The following ANKMY2 variants were observed in gnomAD, a reference collection of about 807,000 sequenced individuals.
ANKMY2 encodes ankyrin repeat and MYND domain-containing protein 2.
In ANKMY2, 36 loss-of-function variants were observed where a neutral mutation model predicts 50.4. The ratio of observed to expected loss-of-function variants is 0.71; its 90% CI spans 0.55 to 0.94. The LOEUF is 0.94. Ranked by LOEUF, ANKMY2 falls within the 40% of genes least tolerant of loss-of-function variation. The pLI is 0.00. For synonymous variants in ANKMY2, 187 were observed against 178.8 expected, an observed-to-expected ratio of 1.05 and a Z score of -0.36; for missense variants, 565 against 524.0, an observed-to-expected ratio of 1.08 and a Z score of -0.76.
At chr7:16,623,104 T>C (rs1378827100) in intron 4 of ANKMY2, among the ~76,000 whole-genome samples, 3 of 152,136 alleles carry the variant, frequency 2.0e-5, no homozygotes, top group Admixed American at 6.5e-5. Context: ...ACAAGGAATA[T>C]CTGCTGTGTG....
intron 1 of ANKMY2, among the ~76,000 whole-genome samples, chr7:16,644,022 CAGCGAG>C (rs1781780587): frequency 6.6e-6 from 1 of 152,068 alleles, no homozygotes; most frequent in African/African-American, 2.4e-5. Flanking sequence ...GAGAAAGAGA[CAGCGAG>C]AGCGAGAGAG....
intron 1 of ANKMY2, chr7:16,644,843 A>G (rs1410085302): frequency 2.5e-6 from 1 of 398,848 alleles, no homozygotes; most frequent in South Asian, 1.8e-5. Flanking sequence ...AGCGCGAAGG[A>G]GCGCGATTAG....
intron 1 of ANKMY2, among the ~76,000 whole-genome samples, chr7:16,641,137 G>A (rs1445881439): frequency 6.6e-6 from 1 of 152,162 alleles, no homozygotes; most frequent in Non-Finnish European, 1.5e-5. Flanking sequence ...AGTAGGCTGA[G>A]GCAGGAGAAT....
intron 3 of ANKMY2, 75 bp from the exon 4 acceptor site, chr7:16,625,156 T>C: frequency 3.6e-6 from 4 of 1,105,920 alleles, no homozygotes; most frequent in Non-Finnish European, 5.4e-6. Flanking sequence ...AAACTCTCTA[T>C]ACCCTTTATT....
chr7:16,639,278 T>C (rs1781714398), intron 1 of ANKMY2, among the ~76,000 whole-genome samples: 1 of 152,230 alleles, frequency 6.6e-6, no homozygotes, highest in South Asian at 2.1e-4. Flanking sequence ...AAAGATTAAT[T>C]GCTTTATTCT....
At chr7:16,626,185 T>C (rs1280262246) in intron 3 of ANKMY2, among the ~76,000 whole-genome samples, 3 of 152,060 alleles carry the variant, frequency 2.0e-5, no homozygotes, top group Non-Finnish European at 2.9e-5. Context: ...CTCATGGTGT[T>C]GCCTAGGATG....
chr7:16,626,129 C>T (rs932285790), intron 3 of ANKMY2, among the ~76,000 whole-genome samples: 2 of 151,782 alleles, frequency 1.3e-5, no homozygotes, highest in Non-Finnish European at 2.9e-5. Context: ...CACAGACGTG[C>T]GCCACTGTCC....
At chr7:16,627,273 G>T (rs1781519902) in intron 2 of ANKMY2, 95 bp from the exon 3 acceptor site, 1 of 720,294 alleles carries the variant, frequency 1.4e-6, no homozygotes, top group South Asian at 2.7e-5. Flanking sequence ...AAACGAATAT[G>T]AACTAATTAA....
Position 16,600,800 on chromosome 7 carries a change from T to C in ANKMY2, c.1287A>G (p.Leu429=), listed in dbSNP as rs370176719. 43 of 1,613,666 alleles carry C rather than the reference T, an allele frequency of 2.7e-5. No individual in the cohort carries two copies. The highest frequency in any genetic ancestry group is 3.4e-5 in the Non-Finnish European group (40 of 1,179,858). Residue 429 remains leucine (L), a synonymous_variant, in exon 10 of 10, where the codon TTA becomes TTG. Coordinates refer to ENST00000306999, the MANE Select transcript of ANKMY2 (RefSeq NM_020319.3). ...SLESEAELEG[L]QDAPAGPQVS... ...CCTGTGGCCCTGCAGGAGCATCCTG[T>C]AAGCCTTCCAACTCAGCTTCGCTTT...
Position 16,600,145 on chromosome 7 carries a change from T to A in ANKMY2, c.*616A>T, listed in dbSNP as rs1781017135. 1.3e-5 allele frequency: 2 copies of A among 152,156 alleles called. No individual in the cohort carries two copies. The highest frequency in any genetic ancestry group is 2.9e-5 in the Non-Finnish European group (2 of 68,036). The allele number at this position is 152,156 out of a possible 1,614,324, so 9.4% of individuals were successfully genotyped here. A position where few individuals can be genotyped will look rare whatever the true frequency, so the allele number is the denominator to read the frequency against. On this transcript the variant is annotated 3_prime_UTR_variant, in exon 10 of 10. Coordinates refer to ENST00000306999, the MANE Select transcript of ANKMY2 (RefSeq NM_020319.3). ...GCTGAGGGATCTGCCATTCTGGAGG[T>A]ACAAATACTGCAGATAGAATATCAC...
At chr7:16,608,207 A>G (rs13244745) in intron 7 of ANKMY2, among the ~76,000 whole-genome samples, 25,092 of 152,190 alleles carry the variant, frequency 0.16, 2,143 homozygotes, top group East Asian at 0.23. Flanking sequence ...ATAAACCCTC[A>G]TCTATTTAAT....
rs572485190 is a variant in ANKMY2, at chr7:16,609,600, T to TA, written c.882+29dup. ...ATAGGTGGGAATTAGGTTTTACTGATAGAGTCAACTTAGGTAAGAGGAGCC... is the reference window on the plus strand; with the variant it reads ...ATAGGTGGGAATTAGGTTTTACTGATAAGAGTCAACTTAGGTAAGAGGAGCC... On this transcript the variant is annotated intron_variant, in intron 7 of 9. Transcript: ENST00000306999. The TA allele has an allele frequency of 2.4e-3, 3,718 of 1,568,768 alleles. 10 individuals are homozygous for TA. Among genetic ancestry groups the TA allele is most frequent in the Non-Finnish European group, 2.8e-3 (3,282 of 1,166,348 alleles).
At chr7:16,640,289 T>G (rs1438697189) in intron 1 of ANKMY2, among the ~76,000 whole-genome samples, 2 of 152,216 alleles carry the variant, frequency 1.3e-5, no homozygotes, top group African/African-American at 4.8e-5. Context: ...TGTCCTAATG[T>G]GGAGCACATA....
chr7:16,623,476 T>C (rs973352493), intron 4 of ANKMY2, among the ~76,000 whole-genome samples: 1 of 152,212 alleles, frequency 6.6e-6, no homozygotes, highest in African/African-American at 2.4e-5. Flanking sequence ...TTTTTTTACC[T>C]GTATCTGAGC....
In ANKMY2 at chr7:16,645,488, C is replaced by T; in HGVS notation, c.67+19G>A. 1 of 1,597,766 alleles carries T rather than the reference C, an allele frequency of 6.3e-7. No individual in the cohort carries two copies. The highest frequency in any genetic ancestry group is 8.5e-7 in the Non-Finnish European group (1 of 1,173,482). On this transcript the variant is annotated intron_variant, in intron 1 of 9. Transcript: ENST00000306999. ...CCGGCCAGGCTGGCCGCGGCCGCGT[C>T]GCAGCCCAGCACCCGTACCTTTCCC...
At chr7:16,609,188 C>T (rs2128342367) in intron 7 of ANKMY2, among the ~76,000 whole-genome samples, 1 of 152,096 alleles carries the variant, frequency 6.6e-6, no homozygotes, top group East Asian at 1.9e-4. Flanking sequence ...GAGATTGTTA[C>T]CAGGAACCAC....
intron 4 of ANKMY2, among the ~76,000 whole-genome samples, chr7:16,624,022 C>T (rs1396631035): frequency 1.3e-5 from 2 of 151,886 alleles, no homozygotes; most frequent in East Asian, 3.9e-4. Context: ...TTGGACAGAT[C>T]CTCCTCTTCT....
intron 2 of ANKMY2, among the ~76,000 whole-genome samples, chr7:16,631,508 A>T (rs562527535): frequency 1.3e-5 from 2 of 152,318 alleles, no homozygotes; most frequent in East Asian, 3.9e-4. Context: ...AAGTTTGATA[A>T]AGCTTACTCT....
In ANKMY2 at chr7:16,624,961, C is replaced by T. The variant is rs768991938; in HGVS notation, c.370+22G>A. On this transcript the variant is annotated intron_variant, in intron 4 of 9. Transcript: ENST00000306999. ...GGGAAATTTTGGGTATAATCTAATG[C>T]AAAACTGCAGCAAAATCTCACCCAC... 6.2e-6 allele frequency: 10 copies of T among 1,607,378 alleles called. No homozygotes were observed. In the East Asian group the frequency reaches 1.6e-4, roughly 25 times the overall value.
Sources: gnomAD v4.1 joint callset for allele counts (sites outside exome capture counted in the v4.1 genomes callset) on GRCh38, gnomAD v4.1.1 for gene constraint, MANE v1.5 for transcripts, NCBI Gene and HGNC (gene_info 2026-07-23, HGNC 2026-07-21) for gene names.